Variants in PDGFRA observed in about 807,000 individuals in gnomAD.
The protein encoded by PDGFRA is platelet-derived growth factor receptor alpha.
PDGFRA carries 25 observed loss-of-function variants against 121.5 expected under a neutral mutation model. The observed-to-expected ratio is 0.21, with a 90% confidence interval of 0.15 to 0.29. The LOEUF is 0.29. PDGFRA is among the 10% of genes least tolerant of loss of function. The pLI, the probability that PDGFRA is intolerant of heterozygous loss-of-function variation, is 1.00. For missense variants in PDGFRA, 1,008 were observed against 1,345.1 expected, an observed-to-expected ratio of 0.75 and a Z score of 3.92; for synonymous variants, 463 against 494.8, an observed-to-expected ratio of 0.94 and a Z score of 0.85.
intron 1 of PDGFRA, among the ~76,000 whole-genome samples, chr4:54,234,929 A>G (rs1482634675): frequency 6.6e-6 from 1 of 152,152 alleles, no homozygotes; most frequent in Admixed American, 6.5e-5. Flanking sequence ...TGTCCCATAA[A>G]AGGCTCCTGT....
intron 20 of PDGFRA, 55 bp downstream of exon 20, chr4:54,288,953 GA>G: frequency 6.6e-7 from 1 of 1,521,652 alleles, no homozygotes; most frequent in Non-Finnish European, 9.1e-7. Context: ...GGTCTAGGGG[GA>G]GGGAGGGGCC....
chr4:54,285,700 G>T, intron 17 of PDGFRA, 141 bp from the exon 18 acceptor site: 1 of 919,596 alleles, frequency 1.1e-6, no homozygotes, highest in South Asian at 1.3e-5. Flanking sequence ...AGTGGGTGGA[G>T]TGAGAACCTG....
rs1416001451 is a variant in PDGFRA, at chr4:54,264,010, A to C, written c.628+83A>C. 5 of 1,088,010 alleles carry C rather than the reference A, an allele frequency of 4.6e-6. No homozygotes were observed. In the Admixed American group the frequency reaches 8.2e-5, roughly 18 times the overall value. The allele number at this position is 1,088,010 out of a possible 1,614,324, so 67.4% of individuals were successfully genotyped here. ...GCGTGTAGGATTTTTTTTTTTTTTT[A>C]AATCATCATCACTGGTGATCCTAAA... is the stretch of plus-strand genomic sequence containing the variant. On this transcript the variant is annotated intron_variant, in intron 4 of 22. Coordinates refer to ENST00000257290, the MANE Select transcript of PDGFRA (RefSeq NM_006206.6).
intron 1 of PDGFRA, among the ~76,000 whole-genome samples, chr4:54,239,719 G>A (rs1721194131): frequency 6.6e-6 from 1 of 152,192 alleles, no homozygotes; most frequent in Admixed American, 6.5e-5. Flanking sequence ...CCTGATAGCA[G>A]CCTCCTGTTG....
chr4:54,251,061 G>A (rs183542759), intron 1 of PDGFRA, among the ~76,000 whole-genome samples: 5,091 of 125,220 alleles, frequency 0.041, 128 homozygotes, highest in Non-Finnish European at 0.058. Context: ...GGGAAACTCC[G>A]TCTCAAAAAA....
intron 1 of PDGFRA, among the ~76,000 whole-genome samples, chr4:54,254,981 C>A (rs926555788): frequency 6.6e-6 from 1 of 151,882 alleles, no homozygotes; most frequent in African/African-American, 2.4e-5. Context: ...GGCACTGGGC[C>A]GGGTGGGGGG....
At chr4:54,229,914 G>C (rs577764000) in intron 1 of PDGFRA, 15 of 151,110 alleles carry the variant, frequency 9.9e-5, no homozygotes, top group African/African-American at 3.4e-4. Flanking sequence ...CCATGGTGTG[G>C]AGCGCGGCTG....
Position 54,277,450 on chromosome 4 carries a change from CG to C in PDGFRA, c.1851del (p.Ser618ProfsTer5). ...TGAAGGAACAGCCTATGGATTAAGC[CG>C]GTCCCAACCTGTCATGAAAGTTGCA... Reference protein sequence around the residue: ...VVEGTAYGLSRSQPVMKVAVK... With the variant: ...VVEGTAYGLSXSQPVMKVAVK... On this transcript the variant is annotated frameshift_variant, in exon 13 of 23. Coordinates refer to ENST00000257290, the MANE Select transcript of PDGFRA (RefSeq NM_006206.6). LOFTEE classifies it high-confidence loss of function. The C allele has an allele frequency of 6.2e-7, 1 of 1,613,976 alleles. No individual in the cohort carries two copies. Among genetic ancestry groups the C allele is most frequent in the Admixed American group, 1.7e-5 (1 of 60,018 alleles).
rs1724342837 is a variant in PDGFRA at position 54,285,980 on chromosome 4, C to T, written c.2562+17C>T. ...AAAGGCAGTGTACGTCCTCACTTCCCTCACTGGTCAGGCTCATCCTCCTTC... is the reference window on the plus strand; with the variant it reads ...AAAGGCAGTGTACGTCCTCACTTCCTTCACTGGTCAGGCTCATCCTCCTTC... On this transcript the variant is annotated intron_variant, in intron 18 of 22. Coordinates refer to ENST00000257290, the MANE Select transcript of PDGFRA (RefSeq NM_006206.6). The T allele has an allele frequency of 6.2e-7, 1 of 1,613,020 alleles. No homozygotes were observed. The highest frequency in any genetic ancestry group is 8.5e-7 in the Non-Finnish European group (1 of 1,179,000).
At chr4:54,272,179 A>C (rs968165830) in intron 8 of PDGFRA, among the ~76,000 whole-genome samples, 1 of 151,758 alleles carries the variant, frequency 6.6e-6, no homozygotes, top group African/African-American at 2.4e-5. Flanking sequence ...GGTTAAAAAC[A>C]TCACAGGGAT....
intron 1 of PDGFRA, among the ~76,000 whole-genome samples, chr4:54,257,194 A>G (rs1722421531): frequency 6.6e-6 from 1 of 152,214 alleles, no homozygotes; most frequent in Admixed American, 6.5e-5. Flanking sequence ...GCACCATGAC[A>G]GTTTACAAAT....
At chr4:54,281,959 A>T in intron 16 of PDGFRA, 1 of 1,092,894 alleles carries the variant, frequency 9.2e-7, no homozygotes, top group Non-Finnish European at 1.1e-6. Context: ...AAAAGAAAAT[A>T]AAGCAATTCA....
At chr4:54,262,122 G>A (rs1183496156) in intron 3 of PDGFRA, among the ~76,000 whole-genome samples, 1 of 151,830 alleles carries the variant, frequency 6.6e-6, no homozygotes, top group Non-Finnish European at 1.5e-5. Flanking sequence ...TGAGACGGGG[G>A]TTTCACCATA....
intron 7 of PDGFRA, among the ~76,000 whole-genome samples, chr4:54,269,929 G>A (rs989265144): frequency 6.6e-6 from 1 of 151,944 alleles, no homozygotes; most frequent in African/African-American, 2.4e-5. Flanking sequence ...TGGGATTACA[G>A]GTGTGAGTCA....
chr4:54,260,170 G>A (rs975784852), intron 2 of PDGFRA, among the ~76,000 whole-genome samples: 6 of 151,960 alleles, frequency 3.9e-5, no homozygotes, highest in Non-Finnish European at 7.4e-5. Context: ...GTATCATCTG[G>A]CACCACTGCA....
At chr4:54,257,020 C>A (rs1004502546) in intron 1 of PDGFRA, among the ~76,000 whole-genome samples, 1 of 152,048 alleles carries the variant, frequency 6.6e-6, no homozygotes. Flanking sequence ...CAGTGCAAGA[C>A]CCTGTTTCAT....
At chr4:54,231,505 C>T (rs762712357) in intron 1 of PDGFRA, among the ~76,000 whole-genome samples, 14 of 152,236 alleles carry the variant, frequency 9.2e-5, no homozygotes, top group Admixed American at 2.0e-4. Context: ...ACCTCCCCAG[C>T]CGCCGCGCTG....
rs1724899335 is a variant in PDGFRA at position 54,296,707 on chromosome 4, G to A, written c.*1435G>A. On this transcript the variant is annotated 3_prime_UTR_variant, in exon 23 of 23. Coordinates refer to ENST00000257290, the MANE Select transcript of PDGFRA (RefSeq NM_006206.6). ...ACTCCCTGGCTGTTCTGATCGGCCA[G>A]TTTTCGGAAACACTGACTTAGGTTT... 1 of 232,712 alleles carries A rather than the reference G, an allele frequency of 4.3e-6. No individual in the cohort carries two copies. Among genetic ancestry groups the A allele is most frequent in the African/African-American group, 2.2e-5 (1 of 45,306 alleles). The allele number at this position is 232,712 out of a possible 1,614,324, so 14.4% of individuals were successfully genotyped here.
At chr4:54,268,765 T>C (rs1723174323) in intron 7 of PDGFRA, among the ~76,000 whole-genome samples, 1 of 152,220 alleles carries the variant, frequency 6.6e-6, no homozygotes, top group South Asian at 2.1e-4. Context: ...GGAGGGCAGC[T>C]TTCCACGAGG....
Sources: allele counts gnomAD v4.1 joint callset (sites outside exome capture counted in the v4.1 genomes callset), GRCh38; gene constraint gnomAD v4.1.1; transcripts MANE v1.5; gene names NCBI Gene and HGNC (gene_info 2026-07-23, HGNC 2026-07-21).